Variants in TG observed in about 807,000 individuals in gnomAD.
The protein encoded by TG is thyroglobulin, also known as thyroid hormones.
Under a neutral mutation model 324.7 loss-of-function variants are expected in TG, and 270 were observed. The ratio of observed to expected loss-of-function variants is 0.83; its 90% CI spans 0.75 to 0.92. The LOEUF (loss-of-function observed/expected upper bound fraction) is 0.92, where lower values mean the gene tolerates loss of function less well. TG is among the 40% of genes least tolerant of loss of function. TG has a pLI of 0.00. For synonymous variants in TG, 1,401 were observed against 1,327.0 expected, an observed-to-expected ratio of 1.06 and a Z score of -1.21; for missense variants, 3,591 against 3,456.4, an observed-to-expected ratio of 1.04 and a Z score of -0.98.
At chr8:133,036,960 C>T (rs538292115) in intron 41 of TG, 52 of 152,476 alleles carry the variant, frequency 3.4e-4, no homozygotes, top group African/African-American at 1.1e-3. Context: ...ATTTCTCATA[C>T]GTTGGCTGGT....
At chr8:133,018,188 G>C (rs1835226647) in intron 38 of TG, among the ~76,000 whole-genome samples, 191 bp downstream of exon 38, 1 of 152,180 alleles carries the variant, frequency 6.6e-6, no homozygotes, top group African/African-American at 2.4e-5. Context: ...GCTTAACACT[G>C]TTTTGCTCAT....
chr8:133,051,665 A>G (rs1285664044), intron 41 of TG, among the ~76,000 whole-genome samples: 1 of 152,164 alleles, frequency 6.6e-6, no homozygotes, highest in Non-Finnish European at 1.5e-5. Context: ...TCCTGACTGT[A>G]GAGGAGAGAC....
chr8:132,906,968 T>G, intron 17 of TG, 68 bp downstream of exon 17: 3 of 1,499,172 alleles, frequency 2.0e-6, no homozygotes, highest in Admixed American at 3.9e-5. Context: ...GACCGAGATA[T>G]GGAGGCGTGG....
At chr8:132,971,683 TA>T (rs889561007) in intron 32 of TG, 110 bp from the exon 33 acceptor site, 4 of 767,750 alleles carry the variant, frequency 5.2e-6, no homozygotes, top group Non-Finnish European at 7.0e-6. Context: ...AAGTAGGGGG[TA>T]AAAAAATAAG....
At chr8:132,964,262 C>A (rs550701245) in intron 29 of TG, among the ~76,000 whole-genome samples, 211 of 152,196 alleles carry the variant, frequency 1.4e-3, no homozygotes, top group African/African-American at 4.9e-3. Context: ...CCCCCTGCCC[C>A]CTGCTTTCTT....
At chr8:133,077,303 T>C (rs1287465188) in intron 41 of TG, among the ~76,000 whole-genome samples, 1 of 152,064 alleles carries the variant, frequency 6.6e-6, no homozygotes, top group East Asian at 1.9e-4. Context: ...AGGGGTCCCG[T>C]TCACAGGAGA....
intron 27 of TG, among the ~76,000 whole-genome samples, 171 bp downstream of exon 27, chr8:132,949,114 G>C (rs1259908742): frequency 6.6e-6 from 1 of 151,898 alleles, no homozygotes. Flanking sequence ...CTTTTCAGCA[G>C]AACTCTATGG....
At chr8:132,890,126 C>CT (rs33910321) in intron 10 of TG, among the ~76,000 whole-genome samples, 71,295 of 151,174 alleles carry the variant, frequency 0.47, 16,861 homozygotes, top group South Asian at 0.52. Flanking sequence ...GAGTAATTGG[C>CT]TTTTTTTTAA....
intron 32 of TG, among the ~76,000 whole-genome samples, chr8:132,970,110 G>C (rs1243837591): frequency 6.6e-6 from 1 of 151,876 alleles, no homozygotes; most frequent in Non-Finnish European, 1.5e-5. Flanking sequence ...ATCAAGTATG[G>C]TACTAAATTT....
At chr8:133,083,104 G>T (rs1397227451) in intron 41 of TG, among the ~76,000 whole-genome samples, 1 of 152,166 alleles carries the variant, frequency 6.6e-6, no homozygotes, top group African/African-American at 2.4e-5. Context: ...TCAATCCCAA[G>T]AACCATTTTT....
At chr8:133,045,333 T>G (rs1448985717) in intron 41 of TG, among the ~76,000 whole-genome samples, 1 of 152,056 alleles carries the variant, frequency 6.6e-6, no homozygotes, top group Non-Finnish European at 1.5e-5. Flanking sequence ...AAAGCAGATA[T>G]GTTCATCACA....
chr8:132,958,405 T>C lies in TG; in HGVS notation c.5402-2603T>C, dbSNP rs114704436. Among the ~76,000 whole-genome samples the C allele has an allele frequency of 3.6e-3, 544 of 152,254 alleles. 3 individuals carry two copies. Among genetic ancestry groups the C allele is most frequent in the African/African-American group, 0.012 (518 of 41,544 alleles). ...TATCTATCTATCTTTAAAGAATCAGTATATCAATAGATTTGGGTATACAAA... is the reference window on the plus strand; with the variant it reads ...TATCTATCTATCTTTAAAGAATCAGCATATCAATAGATTTGGGTATACAAA... On this transcript the variant is annotated intron_variant, in intron 27 of 47. Coordinates refer to ENST00000220616, the MANE Select transcript of TG (RefSeq NM_003235.5).
At chr8:132,882,043 C>T in intron 6 of TG, 74 bp downstream of exon 6, 1 of 1,122,818 alleles carries the variant, frequency 8.9e-7, no homozygotes, top group Non-Finnish European at 1.4e-6. Flanking sequence ...GATAACATTG[C>T]TTGTAAAGCA....
At chr8:132,893,097 CATGT>C (rs1279994271) in intron 10 of TG, among the ~76,000 whole-genome samples, 2 of 108,976 alleles carry the variant, frequency 1.8e-5, no homozygotes, top group Non-Finnish European at 3.7e-5. Context: ...GTGTGGTGTT[CATGT>C]ATGTGTGTGG....
At chr8:132,885,899 T>G (rs1815342627) in intron 8 of TG, among the ~76,000 whole-genome samples, 1 of 152,180 alleles carries the variant, frequency 6.6e-6, no homozygotes, top group African/African-American at 2.4e-5. Context: ...GCTGCCTCCC[T>G]CCAATCTGTG....
Position 132,888,511 on chromosome 8 carries a change from G to A in TG, c.2704G>A (p.Asp902Asn). 2 of 1,611,110 alleles carry A rather than the reference G, an allele frequency of 1.2e-6. No homozygotes were observed. The highest frequency in any genetic ancestry group is 8.5e-7 in the Non-Finnish European group (1 of 1,178,816). ...HFDLRNCWCV[D>N]EAGQELEGMR... The stretch of plus-strand genomic sequence containing the variant: ...TGATCTTCGGAACTGCTGGTGTGTG[G>A]ATGAGGCTGGCCAAGAACTGGAAGG... Residue 902 changes from aspartate (D) to asparagine (N), a missense_variant, in exon 10 of 48, where the codon GAT becomes AAT. Physicochemically the swap from Asp to Asn is conservative, Grantham distance 23. Transcript: ENST00000220616.
At chr8:132,976,880 G>T (rs1830239076) in intron 34 of TG, among the ~76,000 whole-genome samples, 1 of 152,176 alleles carries the variant, frequency 6.6e-6, no homozygotes, top group Admixed American at 6.5e-5. Flanking sequence ...TGGGTGGTGG[G>T]ATAAGTCTTA....
At chr8:132,906,928 C>G (rs1218695221) in intron 17 of TG, 28 bp downstream of exon 17, 1 of 1,586,360 alleles carries the variant, frequency 6.3e-7, no homozygotes, top group South Asian at 1.1e-5. Context: ...ATCTATCCTG[C>G]ACCCCGCTCC....
chr8:133,132,705 C>G (rs1221686477), intron 46 of TG, among the ~76,000 whole-genome samples: 1 of 152,150 alleles, frequency 6.6e-6, no homozygotes, highest in East Asian at 1.9e-4. Context: ...CAAAAATGAA[C>G]CATAATTCAA....
Sources: allele counts gnomAD v4.1 joint callset (sites outside exome capture counted in the v4.1 genomes callset), GRCh38; gene constraint gnomAD v4.1.1; transcripts MANE v1.5; gene names NCBI Gene and HGNC (gene_info 2026-07-23, HGNC 2026-07-21).